LRRTM4: variants seen among roughly 807,000 people sequenced by gnomAD.
LRRTM4 encodes the protein leucine rich repeat transmembrane neuronal 4.
In LRRTM4, 25 loss-of-function variants were observed where a neutral mutation model predicts 47.6. That is an observed-to-expected ratio of 0.53 (90% CI 0.38 to 0.73). The LOEUF (loss-of-function observed/expected upper bound fraction) is 0.73, where lower values mean the gene tolerates loss of function less well. Among genes scored for constraint, LRRTM4 ranks in the 30% least tolerant of loss-of-function variants. LRRTM4 has a pLI of 0.00. For missense variants in LRRTM4, 638 were observed against 713.4 expected, an observed-to-expected ratio of 0.89 and a Z score of 1.20; for synonymous variants, 311 against 269.5, an observed-to-expected ratio of 1.15 and a Z score of -1.51.
At chr2:77,155,745 G>T (rs1009482615) in intron 3 of LRRTM4, among the ~76,000 whole-genome samples, 1 of 152,080 alleles carries the variant, frequency 6.6e-6, no homozygotes, top group Non-Finnish European at 1.5e-5. Flanking sequence ...ACGGGAGGGG[G>T]AGGATGGGAA....
At chr2:77,181,680 GTAT>G (rs1455342637) in intron 3 of LRRTM4, among the ~76,000 whole-genome samples, 3 of 152,070 alleles carry the variant, frequency 2.0e-5, no homozygotes, top group African/African-American at 7.2e-5. Flanking sequence ...TAACTTGTTA[GTAT>G]TATTAAGTAG....
At chr2:76,887,005 T>C (rs532404211) in intron 3 of LRRTM4, among the ~76,000 whole-genome samples, 12 of 152,010 alleles carry the variant, frequency 7.9e-5, no homozygotes, top group African/African-American at 2.4e-4. Context: ...GCCCACAATG[T>C]TGGAGAATAA....
At chr2:77,024,487 T>A (rs1391918493) in intron 3 of LRRTM4, among the ~76,000 whole-genome samples, 1 of 141,844 alleles carries the variant, frequency 7.1e-6, no homozygotes, top group African/African-American at 2.6e-5. Flanking sequence ...TTGCAAAGGG[T>A]CTAGAATTAA....
At chr2:77,100,089 T>A (rs1670913206) in intron 3 of LRRTM4, among the ~76,000 whole-genome samples, 2 of 152,150 alleles carry the variant, frequency 1.3e-5, no homozygotes, top group African/African-American at 2.4e-5. Flanking sequence ...GAATTTTCTG[T>A]CATTTCTGCA....
At chr2:77,249,987 C>T (rs1276211036) in intron 3 of LRRTM4, among the ~76,000 whole-genome samples, 1 of 151,970 alleles carries the variant, frequency 6.6e-6, no homozygotes, top group Non-Finnish European at 1.5e-5. Context: ...TAATTCAGTG[C>T]TGAAAAGAAG....
chr2:77,317,957 TG>T (rs1159553135), intron 3 of LRRTM4, among the ~76,000 whole-genome samples: 1 of 152,080 alleles, frequency 6.6e-6, no homozygotes, highest in Non-Finnish European at 1.5e-5. Flanking sequence ...AATGTATTAT[TG>T]TTTTTATCTC....
intron 3 of LRRTM4, among the ~76,000 whole-genome samples, chr2:77,021,066 A>G (rs2104102976): frequency 6.6e-6 from 1 of 152,230 alleles, no homozygotes; most frequent in Admixed American, 6.5e-5. Context: ...AGAAGCCACT[A>G]AAGGAACTGC....
At chr2:76,846,002 A>G (rs1444376889) in intron 3 of LRRTM4, among the ~76,000 whole-genome samples, 8 of 152,178 alleles carry the variant, frequency 5.3e-5, no homozygotes, top group African/African-American at 1.7e-4. Context: ...CAGATGGAAA[A>G]TACGGTATTT....
chr2:76,939,437 GA>G lies in LRRTM4; in HGVS notation c.1552-190522del, dbSNP rs1386468480. ...TCTTTAAGAATTGAAAAATTACACA[GA>G]TTTTTTTGTCCACATTCCATTGGTG... On this transcript the variant is annotated intron_variant, in intron 3 of 3. Coordinates refer to ENST00000409884, the MANE Select transcript of LRRTM4 (RefSeq NM_001134745.3). Among the ~76,000 whole-genome samples the G allele has an allele frequency of 1.4e-3, 210 of 152,130 alleles. 1 individual carries two copies. Among genetic ancestry groups the G allele is most frequent in the African/African-American group, 4.9e-3 (202 of 41,500 alleles).
rs570896736 is a variant in LRRTM4 at position 76,861,454 on chromosome 2, A to G, written c.1552-112538T>C. Among the ~76,000 whole-genome samples, 5 of 152,244 alleles carry G rather than the reference A, an allele frequency of 3.3e-5. No homozygotes were observed. The South Asian group carries it at 8.3e-4, about 25-fold the overall frequency. On this transcript the variant is annotated intron_variant, in intron 3 of 3. Coordinates refer to ENST00000409884, the MANE Select transcript of LRRTM4 (RefSeq NM_001134745.3). ...ATTGTTCCACTTCTCCATCAAAATC[A>G]TCTGGTTAATTCACAGTTTAAATTT...
chr2:77,125,865 C>T (rs1315519857), intron 3 of LRRTM4, among the ~76,000 whole-genome samples: 2 of 150,874 alleles, frequency 1.3e-5, no homozygotes, highest in African/African-American at 2.4e-5. Flanking sequence ...TACACACACA[C>T]ATAAATGTGT....
chr2:77,135,335 C>T (rs1671906397), intron 3 of LRRTM4, among the ~76,000 whole-genome samples: 1 of 152,192 alleles, frequency 6.6e-6, no homozygotes, highest in African/African-American at 2.4e-5. Flanking sequence ...TTAAATGGCA[C>T]ATTGGCACAT....
chr2:77,263,640 A>T (rs1558659398), intron 3 of LRRTM4, among the ~76,000 whole-genome samples: 1 of 152,178 alleles, frequency 6.6e-6, no homozygotes, highest in Non-Finnish European at 1.5e-5. Context: ...GAGTGTTAAG[A>T]GTATTGTGGA....
chr2:76,797,010 G>C (rs958335040), intron 3 of LRRTM4, among the ~76,000 whole-genome samples: 1 of 152,052 alleles, frequency 6.6e-6, no homozygotes, highest in African/African-American at 2.4e-5. Flanking sequence ...GAAAGTGATG[G>C]GGAGAATGCA....
At chr2:77,199,491 T>C (rs1673917841) in intron 3 of LRRTM4, among the ~76,000 whole-genome samples, 1 of 152,120 alleles carries the variant, frequency 6.6e-6, no homozygotes, top group African/African-American at 2.4e-5. Context: ...GGATTTGTCA[T>C]TTTTCTCTGT....
chr2:77,268,076 C>G (rs1403422981), intron 3 of LRRTM4, among the ~76,000 whole-genome samples: 1 of 152,080 alleles, frequency 6.6e-6, no homozygotes, highest in Non-Finnish European at 1.5e-5. Flanking sequence ...ATACTTTACC[C>G]TTAGATAATC....
At chr2:77,395,173 G>C (rs1196501191) in intron 3 of LRRTM4, among the ~76,000 whole-genome samples, 1 of 151,906 alleles carries the variant, frequency 6.6e-6, no homozygotes, top group Non-Finnish European at 1.5e-5. Flanking sequence ...TTGCTGGTCA[G>C]TTGTGCCTAA....
At chr2:77,309,204 A>G (rs60117156) in intron 3 of LRRTM4, among the ~76,000 whole-genome samples, 4,846 of 152,262 alleles carry the variant, frequency 0.032, 245 homozygotes, top group African/African-American at 0.11. Flanking sequence ...GCACTTTCAA[A>G]TAACATTAGC....
At position 77,015,314 on chromosome 2, in the gene LRRTM4, G is replaced by A. The variant is rs528229418; in HGVS notation, c.1552-266398C>T. Among the ~76,000 whole-genome samples, 13 of 152,176 alleles carry A rather than the reference G, an allele frequency of 8.5e-5. No individual in the cohort carries two copies. The East Asian group carries it at 2.3e-3, about 27-fold the overall frequency. ...TCTGCTTCCCTGACTGATACATGGA[G>A]GAAGTTGTACTTTATTTATTTATTT... is the stretch of plus-strand genomic sequence containing the variant. On this transcript the variant is annotated intron_variant, in intron 3 of 3. Transcript: ENST00000409884.
Sources: gnomAD v4.1 joint callset for allele counts (sites outside exome capture counted in the v4.1 genomes callset) on GRCh38, gnomAD v4.1.1 for gene constraint, MANE v1.5 for transcripts, NCBI Gene and HGNC (gene_info 2026-07-23, HGNC 2026-07-21) for gene names.